Variants in ARHGAP6 observed in about 807,000 individuals in gnomAD.
ARHGAP6 encodes the protein Rho GTPase activating protein 6.
Under a neutral mutation model 55.7 loss-of-function variants are expected in ARHGAP6, and 16 were observed. That is an observed-to-expected ratio of 0.29 (90% CI 0.19 to 0.44). ARHGAP6 has a LOEUF of 0.44. Ranked by LOEUF, ARHGAP6 falls within the 20% of genes least tolerant of loss-of-function variation. The pLI is 1.00. For missense variants in ARHGAP6, 698 were observed against 808.9 expected (o/e 0.86, Z 1.66); for synonymous variants, 382 against 360.9 (o/e 1.06, Z -0.66).
intron 1 of ARHGAP6, among the ~76,000 whole-genome samples, chrX:11,263,050 T>C (rs1004327873): frequency 2.1e-4 from 23 of 110,974 alleles, no homozygotes; most frequent in Admixed American, 7.7e-4. Flanking sequence ...GTTTGGATGT[T>C]TGTCCCCTCC....
intron 1 of ARHGAP6, among the ~76,000 whole-genome samples, chrX:11,359,264 G>A (rs1229160720): frequency 9.0e-6 from 1 of 111,632 alleles, no homozygotes; most frequent in Non-Finnish European, 1.9e-5. Context: ...TGAGACAAAC[G>A]GATCAATCTG....
intron 1 of ARHGAP6, among the ~76,000 whole-genome samples, chrX:11,533,844 T>C (rs2051076460): frequency 8.9e-6 from 1 of 112,296 alleles, no homozygotes; most frequent in Admixed American, 9.4e-5. Context: ...TCTTACCATA[T>C]TTTGTCCAAA....
chrX:11,575,712 T>A (rs929229097), intron 1 of ARHGAP6, among the ~76,000 whole-genome samples: 7 of 112,036 alleles, frequency 6.2e-5, no homozygotes, highest in Non-Finnish European at 9.4e-5. Flanking sequence ...TGGGAGAGAA[T>A]TTGGCAACTT....
chrX:11,559,786 G>A (rs1486180641), intron 1 of ARHGAP6, among the ~76,000 whole-genome samples: 1 of 109,258 alleles, frequency 9.2e-6, no homozygotes, highest in Non-Finnish European at 1.9e-5. Context: ...AAAGTAGCCA[G>A]GCATGGTGGT....
intron 1 of ARHGAP6, among the ~76,000 whole-genome samples, chrX:11,500,923 C>A (rs1419433014): frequency 1.8e-5 from 2 of 110,798 alleles, no homozygotes; most frequent in Non-Finnish European, 3.8e-5. Context: ...CACCAGAACA[C>A]ACACTAGAAG....
intron 1 of ARHGAP6, among the ~76,000 whole-genome samples, chrX:11,352,824 G>C (rs1317673948): frequency 9.0e-6 from 1 of 111,272 alleles, no homozygotes; most frequent in East Asian, 2.8e-4. Context: ...ATAATATATG[G>C]ATACACACAT....
intron 1 of ARHGAP6, among the ~76,000 whole-genome samples, chrX:11,473,739 T>C (rs1306957787): frequency 1.8e-5 from 2 of 112,020 alleles, no homozygotes; most frequent in Non-Finnish European, 3.8e-5. Context: ...ACCCAGTTTG[T>C]AGTCATTTGT....
chrX:11,209,109 G>C (rs1484631557), intron 2 of ARHGAP6, among the ~76,000 whole-genome samples: 1 of 111,666 alleles, frequency 9.0e-6, no homozygotes, highest in Non-Finnish European at 1.9e-5. Flanking sequence ...TAATCACTAC[G>C]TAAGATTATG....
intron 5 of ARHGAP6, among the ~76,000 whole-genome samples, chrX:11,184,175 T>C (rs1569245851): frequency 8.9e-6 from 1 of 112,417 alleles, no homozygotes; most frequent in Non-Finnish European, 1.9e-5. Flanking sequence ...CTTTGCTTAA[T>C]CTAGTTTTTT....
intron 1 of ARHGAP6, among the ~76,000 whole-genome samples, chrX:11,645,734 GAAAGAGGAGAA>G (rs2052519593): frequency 9.0e-6 from 1 of 111,419 alleles, no homozygotes; most frequent in African/African-American, 3.3e-5. Context: ...TTGGAATTAG[GAAAGAGGAGAA>G]GGAGAGGAGT....
intron 1 of ARHGAP6, among the ~76,000 whole-genome samples, chrX:11,590,862 A>AAGGAAGGAAAGAAAGAAAG (rs771474695): frequency 4.9e-5 from 1 of 20,222 alleles, no homozygotes; most frequent in Non-Finnish European, 7.4e-5. Flanking sequence ...AAAAGAAAAG[A>AAGGAAGGAAAGAAAGAAAG]AAAGAAGGAA....
intron 10 of ARHGAP6, among the ~76,000 whole-genome samples, chrX:11,147,775 A>G (rs2045718581): frequency 8.9e-6 from 1 of 112,727 alleles, no homozygotes; most frequent in Non-Finnish European, 1.9e-5. Context: ...CAGGGTGTGA[A>G]TAAATCCGGG....
At chrX:11,253,299 G>A (rs1399081511) in intron 2 of ARHGAP6, among the ~76,000 whole-genome samples, 1 of 110,925 alleles carries the variant, frequency 9.0e-6, no homozygotes, top group Non-Finnish European at 1.9e-5. Context: ...GTGTGTATAT[G>A]TGTATACATA....
intron 1 of ARHGAP6, among the ~76,000 whole-genome samples, chrX:11,544,199 C>G (rs976602511): frequency 1.8e-5 from 2 of 111,762 alleles, no homozygotes; most frequent in African/African-American, 6.5e-5. Flanking sequence ...GGATAATGCT[C>G]AGTAAAAGAT....
In ARHGAP6 at chrX:11,432,817, G is replaced by A. The variant is rs144934325; in HGVS notation, c.589-178110C>T. On this transcript the variant is annotated intron_variant, in intron 1 of 12. Transcript: ENST00000337414. Reference sequence around the variant, plus strand: ...GTGATAAGGCCGACTTCACCCACACGCACAGACAGGAGCAATGGATACACT... The same window carrying A: ...GTGATAAGGCCGACTTCACCCACACACACAGACAGGAGCAATGGATACACT... Among the ~76,000 whole-genome samples, 856 of 112,055 alleles carry A rather than the reference G, an allele frequency of 7.6e-3. 9 individuals carry two copies. Among genetic ancestry groups the A allele is most frequent in the African/African-American group, 0.026 (791 of 30,856 alleles).
intron 1 of ARHGAP6, among the ~76,000 whole-genome samples, chrX:11,291,977 C>T (rs1416692812): frequency 2.7e-5 from 3 of 111,331 alleles, no homozygotes; most frequent in Non-Finnish European, 5.6e-5. Flanking sequence ...TACTGTATGC[C>T]AGCTGACAGG....
rs149170107 is a variant in ARHGAP6 at position 11,261,333 on chromosome X, C to T, written c.589-6626G>A. On this transcript the variant is annotated intron_variant, in intron 1 of 12. Coordinates refer to ENST00000337414, the MANE Select transcript of ARHGAP6 (RefSeq NM_013427.3). Reference sequence around the variant, plus strand: ...AAGACATGAACACAAAGGTCATAGTCTCCCTTTGACTCTCATGGCATGGAC... The same window carrying T: ...AAGACATGAACACAAAGGTCATAGTTTCCCTTTGACTCTCATGGCATGGAC... Among the ~76,000 whole-genome samples the T allele has an allele frequency of 2.3e-3, 256 of 111,343 alleles. 2 individuals are homozygous for T. The highest frequency in any genetic ancestry group is 8.0e-3 in the African/African-American group (246 of 30,620).
chrX:11,282,890 A>C (rs1232180321), intron 1 of ARHGAP6, among the ~76,000 whole-genome samples: 1 of 112,555 alleles, frequency 8.9e-6, no homozygotes, highest in Non-Finnish European at 1.9e-5. Flanking sequence ...TTCAGTAAGC[A>C]TTATGTAAAG....
chrX:11,293,058 A>G (rs1318699350), intron 1 of ARHGAP6, among the ~76,000 whole-genome samples: 1 of 112,539 alleles, frequency 8.9e-6, no homozygotes, highest in African/African-American at 3.2e-5. Flanking sequence ...GAGAATCTCA[A>G]CCACCTACCT....
Sources: allele counts gnomAD v4.1 joint callset (sites outside exome capture counted in the v4.1 genomes callset), GRCh38; gene constraint gnomAD v4.1.1; transcripts MANE v1.5; gene names NCBI Gene and HGNC (gene_info 2026-07-23, HGNC 2026-07-21).